CFAP54: variants seen among roughly 807,000 people sequenced by gnomAD.
CFAP54 encodes cilia- and flagella-associated protein 54.
A neutral mutation model predicts 370.4 loss-of-function variants in CFAP54; 290 were observed. That is an observed-to-expected ratio of 0.78 (90% CI 0.71 to 0.86). The LOEUF is 0.86. Among genes scored for constraint, CFAP54 ranks in the 40% least tolerant of loss-of-function variants. The pLI is 0.00. For missense variants in CFAP54, 3,399 were observed against 3,528.7 expected (o/e 0.96, Z 0.93); for synonymous variants, 1,206 against 1,236.5 (o/e 0.98, Z 0.52).
intron 65 of CFAP54, among the ~76,000 whole-genome samples, chr12:96,827,982 T>G (rs1959142509): frequency 8.5e-6 from 1 of 117,562 alleles, no homozygotes; most frequent in South Asian, 2.3e-4. Context: ...ATATATTATA[T>G]TATATATAGT....
chr12:96,647,371 T>A (rs959697213), intron 33 of CFAP54, among the ~76,000 whole-genome samples: 1 of 145,512 alleles, frequency 6.9e-6, no homozygotes, highest in African/African-American at 2.5e-5. Context: ...TACTCTGGAG[T>A]CTGAGGCAGG....
chr12:96,645,144 C>G, intron 33 of CFAP54: 1 of 456,610 alleles, frequency 2.2e-6, no homozygotes, highest in South Asian at 1.5e-5. Flanking sequence ...AATTTTCTAT[C>G]ATTAACTCAA....
At chr12:96,610,879 A>G (rs948575346) in intron 26 of CFAP54, among the ~76,000 whole-genome samples, 6 of 152,070 alleles carry the variant, frequency 3.9e-5, no homozygotes, top group South Asian at 4.1e-4. Context: ...TAGGTAAACA[A>G]AGCAGCTGGG....
At chr12:96,839,851 G>A (rs977721924) in intron 66 of CFAP54, among the ~76,000 whole-genome samples, 5 of 152,168 alleles carry the variant, frequency 3.3e-5, no homozygotes, top group Non-Finnish European at 4.4e-5. Flanking sequence ...TTGGGCCATG[G>A]TCTGGAACAT....
In CFAP54 at chr12:96,494,271, CA is replaced by C. The variant is rs753292883; in HGVS notation, c.317+4346del. Among the ~76,000 whole-genome samples, 5 of 151,476 alleles carry C rather than the reference CA, an allele frequency of 3.3e-5. No individual in the cohort carries two copies. In the East Asian group the frequency reaches 9.7e-4, roughly 29 times the overall value. On this transcript the variant is annotated intron_variant, in intron 1 of 67. Transcript: ENST00000524981. ...CATTTTAAAGAGTTTGCATTTATTC[CA>C]TTGGGTAGTTTTGGCAAAGGATTAC...
intron 39 of CFAP54, among the ~76,000 whole-genome samples, chr12:96,671,448 A>G (rs1035852394): frequency 6.6e-6 from 1 of 152,138 alleles, no homozygotes; most frequent in African/African-American, 2.4e-5. Flanking sequence ...CGTAAGCTTT[A>G]TGAGGGCAGG....
intron 3 of CFAP54, among the ~76,000 whole-genome samples, chr12:96,505,805 T>C (rs532957107): frequency 2.6e-4 from 39 of 152,098 alleles, no homozygotes; most frequent in Middle Eastern, 3.4e-3. Context: ...CAAAATACTT[T>C]CAATTCAGTG....
At chr12:96,496,201 GACTC>G (rs1453205706) in intron 1 of CFAP54, among the ~76,000 whole-genome samples, 1 of 152,132 alleles carries the variant, frequency 6.6e-6, no homozygotes, top group African/African-American at 2.4e-5. Flanking sequence ...CTCAATCAGT[GACTC>G]AATCAATATT....
At chr12:96,666,502 A>G (rs1369813083) in intron 39 of CFAP54, among the ~76,000 whole-genome samples, 1 of 152,236 alleles carries the variant, frequency 6.6e-6, no homozygotes, top group African/African-American at 2.4e-5. Flanking sequence ...TGGAGAGGCC[A>G]CACAATCACG....
At chr12:96,860,721 C>G in intron 66 of CFAP54, 98 bp from the exon 67 acceptor site, 1 of 1,224,478 alleles carries the variant, frequency 8.2e-7, no homozygotes, top group Non-Finnish European at 1.1e-6. Flanking sequence ...AGCTATCTTT[C>G]ATATAAAATT....
At position 96,753,980 on chromosome 12, in the gene CFAP54, GTCCCT is replaced by G; in HGVS notation, c.7840+83_7840+87del. The G allele has an allele frequency of 2.8e-6, 4 of 1,404,432 alleles. No individual in the cohort carries two copies. In the South Asian group the frequency reaches 5.4e-5, roughly 19 times the overall value. The allele number at this position is 1,404,432 out of a possible 1,614,324, so 87.0% of individuals were successfully genotyped here. ...CAACAACAGGATTCTTGAAAATCTG[GTCCCT>G]GACTATAAAAATTACAAACATACAA... On this transcript the variant is annotated intron_variant, in intron 56 of 67. Transcript: ENST00000524981.
intron 67 of CFAP54, among the ~76,000 whole-genome samples, chr12:96,863,907 C>T (rs747830797): frequency 6.6e-6 from 1 of 152,012 alleles, no homozygotes; most frequent in Non-Finnish European, 1.5e-5. Context: ...CCAGACCATA[C>T]AGTAACAGTT....
chr12:96,705,983 T>G (rs867136044), intron 47 of CFAP54, among the ~76,000 whole-genome samples: 11 of 152,206 alleles, frequency 7.2e-5, no homozygotes, highest in South Asian at 6.2e-4. Context: ...GTTTCTCTTT[T>G]TTTTTTCTAG....
chr12:96,696,419 T>C (rs1050266810), intron 45 of CFAP54, among the ~76,000 whole-genome samples: 7 of 152,086 alleles, frequency 4.6e-5, no homozygotes, highest in Admixed American at 4.6e-4. Context: ...GCAATGATCA[T>C]AACTCAACAA....
At chr12:96,797,977 T>C (rs1456943911) in intron 63 of CFAP54, among the ~76,000 whole-genome samples, 4 of 152,052 alleles carry the variant, frequency 2.6e-5, no homozygotes, top group African/African-American at 9.7e-5. Flanking sequence ...AGTTTTGAAA[T>C]TATGCATTCT....
chr12:96,685,010 T>C lies in CFAP54; in HGVS notation c.5805-19T>C, dbSNP rs1490851529. On this transcript the variant is annotated intron_variant, in intron 41 of 67. Transcript: ENST00000524981. ...GGGTCTCAGAAAACTTACTGCTTGATGCTTTGTCTCTGTTTTAGGGCTGCT... is the reference window on the plus strand; with the variant it reads ...GGGTCTCAGAAAACTTACTGCTTGACGCTTTGTCTCTGTTTTAGGGCTGCT... 1 of 1,611,374 alleles carries C rather than the reference T, an allele frequency of 6.2e-7. No individual in the cohort carries two copies. Among genetic ancestry groups the C allele is most frequent in the Non-Finnish European group, 8.5e-7 (1 of 1,178,316 alleles).
intron 35 of CFAP54, among the ~76,000 whole-genome samples, chr12:96,650,784 G>A (rs978121919): frequency 3.9e-5 from 6 of 152,140 alleles, no homozygotes; most frequent in Non-Finnish European, 2.9e-5. Flanking sequence ...TTTACATAAT[G>A]TAATGTAAAC....
At chr12:96,843,054 C>G (rs1390027841) in intron 66 of CFAP54, among the ~76,000 whole-genome samples, 1 of 152,192 alleles carries the variant, frequency 6.6e-6, no homozygotes, top group African/African-American at 2.4e-5. Context: ...CAAGGTCTGT[C>G]CTCTGGTTTG....
At chr12:96,553,613 T>TA (rs990289108) in intron 15 of CFAP54, among the ~76,000 whole-genome samples, 6 of 149,456 alleles carry the variant, frequency 4.0e-5, no homozygotes, top group African/African-American at 1.5e-4. Flanking sequence ...TTTATTTCCT[T>TA]AAAAAATCTG....
Sources: allele counts gnomAD v4.1 joint callset (sites outside exome capture counted in the v4.1 genomes callset), GRCh38; gene constraint gnomAD v4.1.1; transcripts MANE v1.5; gene names NCBI Gene and HGNC (gene_info 2026-07-23, HGNC 2026-07-21).